RPH3A: variants seen among roughly 807,000 people sequenced by gnomAD.
RPH3A encodes rabphilin 3A.
In RPH3A, 48 loss-of-function variants were observed where a neutral mutation model predicts 102.2. That is an observed-to-expected ratio of 0.47 (90% confidence interval 0.37 to 0.60). The LOEUF (loss-of-function observed/expected upper bound fraction) is 0.60, where lower values mean the gene tolerates loss of function less well. Ranked by LOEUF, RPH3A falls within the 20% of genes least tolerant of loss-of-function variation. The pLI is 0.00. For missense variants in RPH3A, 781 were observed against 910.1 expected (o/e 0.86, Z 1.83); for synonymous variants, 310 against 324.3 (o/e 0.96, Z 0.47).
intron 2 of RPH3A, among the ~76,000 whole-genome samples, chr12:112,821,065 C>G (rs1418356682): frequency 6.6e-6 from 1 of 152,138 alleles, no homozygotes; most frequent in Non-Finnish European, 1.5e-5. Flanking sequence ...AAGGAAAAGC[C>G]AACAGCAGCC....
rs566538239 is a variant in RPH3A, at chr12:112,871,162, C to G, written c.796+1123C>G. On this transcript the variant is annotated intron_variant, in intron 10 of 21. Coordinates refer to ENST00000389385, the MANE Select transcript of RPH3A (RefSeq NM_001143854.2). ...AGAGGTAAAGTTTCTTTTGACAATGCCTTTTAAAATTATTTTTTAATTGTT... is the reference window on the plus strand; with the variant it reads ...AGAGGTAAAGTTTCTTTTGACAATGGCTTTTAAAATTATTTTTTAATTGTT... Among the ~76,000 whole-genome samples the G allele has an allele frequency of 1.3e-4, 20 of 152,170 alleles. 1 individual carries two copies. The highest frequency in any genetic ancestry group is 9.6e-4 in the East Asian group (5 of 5,186).
At chr12:112,826,860 C>T (rs2041885179) in intron 2 of RPH3A, among the ~76,000 whole-genome samples, 1 of 152,170 alleles carries the variant, frequency 6.6e-6, no homozygotes, top group Non-Finnish European at 1.5e-5. Context: ...TGGATTGTTC[C>T]TGTGTTAAGC....
intron 3 of RPH3A, chr12:112,831,846 C>T (rs928974807): frequency 1.8e-5 from 8 of 455,708 alleles, no homozygotes; most frequent in African/African-American, 1.4e-4. Context: ...GATGGTTTTT[C>T]CTTCCACGTA....
chr12:112,666,473 T>G (rs1566249690), intron 1 of RPH3A, among the ~76,000 whole-genome samples: 1 of 152,102 alleles, frequency 6.6e-6, no homozygotes. Flanking sequence ...ACCTGAAACT[T>G]CTCATGTTTA....
intron 1 of RPH3A, among the ~76,000 whole-genome samples, chr12:112,662,371 C>T (rs2040054383): frequency 6.6e-6 from 1 of 152,168 alleles, no homozygotes; most frequent in Admixed American, 6.5e-5. Context: ...ATCCATCAGT[C>T]CATCCATTCA....
chr12:112,842,896 T>C (rs988661641), intron 4 of RPH3A, among the ~76,000 whole-genome samples: 2 of 152,182 alleles, frequency 1.3e-5, no homozygotes, highest in Non-Finnish European at 2.9e-5. Flanking sequence ...ACCAGGAAAC[T>C]GAGGTGCAGA....
At chr12:112,743,937 C>T (rs2040726787) in intron 1 of RPH3A, among the ~76,000 whole-genome samples, 2 of 152,202 alleles carry the variant, frequency 1.3e-5, no homozygotes, top group African/African-American at 4.8e-5. Context: ...CACCCTCAGG[C>T]TCTGAGCCTG....
At chr12:112,682,685 C>G (rs1383006637) in intron 1 of RPH3A, among the ~76,000 whole-genome samples, 6 of 152,124 alleles carry the variant, frequency 3.9e-5, no homozygotes, top group Non-Finnish European at 7.4e-5. Context: ...GATGGGGGAG[C>G]CACACTTTGA....
chr12:112,738,976 G>A (rs2040688442), intron 1 of RPH3A, among the ~76,000 whole-genome samples: 1 of 152,150 alleles, frequency 6.6e-6, no homozygotes, highest in African/African-American at 2.4e-5. Flanking sequence ...ATGCATGCAC[G>A]AAGGAGAAGA....
At chr12:112,859,729 TCAC>T (rs3837519) in intron 5 of RPH3A, among the ~76,000 whole-genome samples, 1 of 152,196 alleles carries the variant, frequency 6.6e-6, no homozygotes, top group East Asian at 1.9e-4. Flanking sequence ...AGCCAGGAAT[TCAC>T]CAGCAGATTC....
Position 112,713,055 on chromosome 12 carries a change from CT to C in RPH3A, c.-139-79086del, listed in dbSNP as rs2040488535. ...TCTTCTTCTTCTTCTTCTTCTCCTTCTTCTTCTTCTTCTTCTTCTTCTTCTT... is the reference window on the plus strand; with the variant it reads ...TCTTCTTCTTCTTCTTCTTCTCCTTCTCTTCTTCTTCTTCTTCTTCTTCTT... On this transcript the variant is annotated intron_variant, in intron 1 of 21. Coordinates refer to the RPH3A transcript ENST00000543106. Among the ~76,000 whole-genome samples, 25 of 62,908 alleles carry C rather than the reference CT, an allele frequency of 4.0e-4. 1 individual carries two copies. Among genetic ancestry groups the C allele is most frequent in the Non-Finnish European group, 9.3e-4 (19 of 20,510 alleles). 41.3% of individuals were successfully genotyped at this position (62,908 alleles called of 152,430 possible). A position where few individuals can be genotyped will look rare whatever the true frequency, so the allele number is the denominator to read the frequency against.
rs1010788964 is a variant in RPH3A, at chr12:112,864,839, G to A, written c.231-575G>A. On this transcript the variant is annotated intron_variant, in intron 5 of 21. Coordinates refer to ENST00000389385, the MANE Select transcript of RPH3A (RefSeq NM_001143854.2). Reference sequence around the variant, plus strand: ...TCAGGGCAGAATTTCTAATTCAGTTGGGCTGGGGTGGAGCCAAAGAATTCG... The same window carrying A: ...TCAGGGCAGAATTTCTAATTCAGTTAGGCTGGGGTGGAGCCAAAGAATTCG... Among the ~76,000 whole-genome samples, 9 of 152,156 alleles carry A rather than the reference G, an allele frequency of 5.9e-5. 1 individual carries two copies. Among genetic ancestry groups the A allele is most frequent in the Non-Finnish European group, 1.5e-5 (1 of 68,026 alleles).
chr12:112,581,093 G>A (rs910228197), intron 1 of RPH3A, among the ~76,000 whole-genome samples: 1 of 152,138 alleles, frequency 6.6e-6, no homozygotes, highest in African/African-American at 2.4e-5. Context: ...TTACCTTGGG[G>A]GACTATTAGT....
In RPH3A at chr12:112,865,532, G is replaced by T; in HGVS notation, c.349G>T (p.Asp117Tyr). The stretch of plus-strand genomic sequence containing the variant: ...GGGCTCTGCCTGTGTAGTATGTGAG[G>T]ACTGTAAGAAGGTATCATCATCCTC... ...MLGSACVVCE[D>Y]CKKNVCTKCG... The change falls in exon 6 of 22, where the codon GAC (aspartate) becomes TAC (tyrosine). Residue 117 changes from aspartate (D) to tyrosine (Y), a missense_variant. Asp to Tyr is a radical substitution (Grantham distance 160). Coordinates refer to ENST00000389385, the MANE Select transcript of RPH3A (RefSeq NM_001143854.2). 1 of 1,613,652 alleles carries T rather than the reference G, an allele frequency of 6.2e-7. No individual in the cohort carries two copies. Among genetic ancestry groups the T allele is most frequent in the Non-Finnish European group, 8.5e-7 (1 of 1,179,928 alleles).
intron 16 of RPH3A, among the ~76,000 whole-genome samples, chr12:112,884,017 A>G (rs1327610305): frequency 6.6e-6 from 1 of 152,090 alleles, no homozygotes; most frequent in African/African-American, 2.4e-5. Context: ...ATATATATAT[A>G]TATGTATGGA....
chr12:112,864,514 C>CAG (rs1021798733), intron 5 of RPH3A, among the ~76,000 whole-genome samples: 1 of 149,478 alleles, frequency 6.7e-6, no homozygotes, highest in Admixed American at 6.6e-5. Flanking sequence ...GTGTATGCAA[C>CAG]AGAGAGAGAC....
intron 2 of RPH3A, among the ~76,000 whole-genome samples, chr12:112,811,346 C>G (rs1466914624): frequency 1.3e-5 from 2 of 152,100 alleles, no homozygotes; most frequent in East Asian, 3.8e-4. Flanking sequence ...TAGCATGAGG[C>G]CTTTATTCAG....
intron 1 of RPH3A, among the ~76,000 whole-genome samples, chr12:112,757,699 G>C (rs1296493376): frequency 6.6e-6 from 1 of 152,174 alleles, no homozygotes; most frequent in Middle Eastern, 3.2e-3. Context: ...AACTGATACA[G>C]AGCCCTCTCC....
chr12:112,586,591 A>G (rs534433149), intron 1 of RPH3A, among the ~76,000 whole-genome samples: 1 of 152,236 alleles, frequency 6.6e-6, no homozygotes, highest in Non-Finnish European at 1.5e-5. Flanking sequence ...GAGTGTGCAG[A>G]CAGGTGGGTA....
Sources: gnomAD v4.1 joint callset for allele counts (sites outside exome capture counted in the v4.1 genomes callset) on GRCh38, gnomAD v4.1.1 for gene constraint, MANE v1.5 for transcripts, NCBI Gene and HGNC (gene_info 2026-07-23, HGNC 2026-07-21) for gene names.